Variants in LPIN1 observed in about 807,000 individuals in gnomAD.
LPIN1 encodes the protein lipin 1, also known as phosphatidate phosphatase LPIN1.
LPIN1 carries 71 observed loss-of-function variants against 107.5 expected under a neutral mutation model. The ratio of observed to expected loss-of-function variants is 0.66; its 90% CI spans 0.55 to 0.80. The LOEUF is 0.80. Ranked by LOEUF, LPIN1 falls within the 30% of genes least tolerant of loss-of-function variation. LPIN1 has a pLI of 0.00. For synonymous variants in LPIN1, 445 were observed against 452.6 expected (o/e 0.98, Z 0.21); for missense variants, 1,043 against 1,160.6 (o/e 0.90, Z 1.47).
At chr2:11,778,144 G>C (rs76885618) in intron 6 of LPIN1, among the ~76,000 whole-genome samples, 84,716 of 151,688 alleles carry the variant, frequency 0.56, 24,434 homozygotes, top group African/African-American at 0.67. Context: ...ACGTGGGGGG[G>C]CCCACGTGCC....
intron 1 of LPIN1, among the ~76,000 whole-genome samples, chr2:11,713,325 A>G (rs984250173): frequency 6.6e-6 from 1 of 152,190 alleles, no homozygotes; most frequent in African/African-American, 2.4e-5. Context: ...GGCTGGAGTG[A>G]AGTGGCACTA....
intron 1 of LPIN1, among the ~76,000 whole-genome samples, chr2:11,681,683 G>A (rs893245815): frequency 6.6e-6 from 1 of 152,214 alleles, no homozygotes; most frequent in Non-Finnish European, 1.5e-5. Flanking sequence ...CCTGGGACGT[G>A]CTGAGCCAGG....
rs200474475 is a variant in LPIN1, at chr2:11,795,466, C to T, written c.1865C>T (p.Pro622Leu). The part of the protein sequence containing the change: ...GKAHSTGEQP[P>L]QLSLATRVKH... Reference sequence around the variant, plus strand: ...GCCCATAGCACCGGAGAGCAACCGCCGCAGCTCAGCTTGGCCACCAGGTGC... The same window carrying T: ...GCCCATAGCACCGGAGAGCAACCGCTGCAGCTCAGCTTGGCCACCAGGTGC... Residue 622 changes from proline (P) to leucine (L), a missense_variant, in exon 14 of 21, where the codon CCG becomes CTG. Transcript: ENST00000674199. 1.3e-5 allele frequency: 21 copies of T among 1,614,020 alleles called. No individual in the cohort carries two copies. Among genetic ancestry groups the T allele is most frequent in the South Asian group, 3.3e-5 (3 of 91,092 alleles).
At chr2:11,755,520 A>G (rs1031512041) in intron 1 of LPIN1, among the ~76,000 whole-genome samples, 1 of 152,150 alleles carries the variant, frequency 6.6e-6, no homozygotes, top group African/African-American at 2.4e-5. Flanking sequence ...CACTTGACAA[A>G]TGACAGTAAT....
chr2:11,756,161 G>A (rs774989429), intron 1 of LPIN1, among the ~76,000 whole-genome samples: 1 of 152,154 alleles, frequency 6.6e-6, no homozygotes, highest in Non-Finnish European at 1.5e-5. Context: ...ATTAGATGTT[G>A]CTTACCATGA....
At chr2:11,763,830 C>T (rs1335188789) in intron 1 of LPIN1, among the ~76,000 whole-genome samples, 10 of 140,094 alleles carry the variant, frequency 7.1e-5, no homozygotes, top group African/African-American at 2.3e-4. Context: ...TCCACCTTGT[C>T]GTCTGACATC....
In LPIN1 at chr2:11,772,083, C is replaced by T. The variant is rs541361711; in HGVS notation, c.596+404C>T. Among the ~76,000 whole-genome samples the T allele has an allele frequency of 4.6e-5, 7 of 152,298 alleles. No homozygotes were observed. In the South Asian group the frequency reaches 1.4e-3, roughly 32 times the overall value. On this transcript the variant is annotated intron_variant, in intron 4 of 20. Coordinates refer to ENST00000674199, the MANE Select transcript of LPIN1 (RefSeq NM_001349206.2). Reference sequence around the variant, plus strand: ...CTCACAAGGAGTGCGCAGCCCAGATCCCTCACATGTGCAGTTCACAACAGG... The same window carrying T: ...CTCACAAGGAGTGCGCAGCCCAGATTCCTCACATGTGCAGTTCACAACAGG...
chr2:11,792,275 G>A (rs565146864), intron 13 of LPIN1: 10 of 358,592 alleles, frequency 2.8e-5, no homozygotes, highest in South Asian at 1.8e-4. Context: ...GTAAGATTTC[G>A]TCATCTATAA....
At chr2:11,772,677 GA>G (rs1162676187) in intron 4 of LPIN1, among the ~76,000 whole-genome samples, 2 of 152,140 alleles carry the variant, frequency 1.3e-5, no homozygotes, top group Non-Finnish European at 2.9e-5. Context: ...ACAGTGTGGT[GA>G]AATTCTGTTT....
chr2:11,824,487 C>T, intron 20 of LPIN1, 145 bp from the exon 21 acceptor site: 1 of 759,778 alleles, frequency 1.3e-6, no homozygotes, highest in South Asian at 1.5e-5. Context: ...TAATCGATAA[C>T]AAATTATTCT....
chr2:11,789,318 T>C (rs1017412302), intron 12 of LPIN1, among the ~76,000 whole-genome samples: 1 of 152,034 alleles, frequency 6.6e-6, no homozygotes, highest in African/African-American at 2.4e-5. Flanking sequence ...TGTGCTCATG[T>C]GCATGTGTGC....
intron 6 of LPIN1, among the ~76,000 whole-genome samples, chr2:11,778,751 G>T (rs1673069798): frequency 6.6e-6 from 1 of 152,226 alleles, no homozygotes; most frequent in Admixed American, 6.5e-5. Flanking sequence ...ATTTCTCTAA[G>T]TTGTTTAGAA....
intron 1 of LPIN1, among the ~76,000 whole-genome samples, chr2:11,710,143 G>T (rs909532833): frequency 1.3e-5 from 2 of 152,074 alleles, no homozygotes; most frequent in Middle Eastern, 3.4e-3. Context: ...CCCTTATAAG[G>T]GTAGTAATCC....
rs1381204069 is a variant in LPIN1 at position 11,697,506 on chromosome 2, C to T, written c.82-16250C>T. ...TGGAAGTCTGCCCGAATCTGTGCGT[C>T]GTGTCTTGGGAATTCATCCCTTCCT... On this transcript the variant is annotated intron_variant, in intron 1 of 21. Coordinates refer to the LPIN1 transcript ENST00000449576. The surrounding 1 kb of genome is among the most constrained non-coding windows in gnomAD (Gnocchi z 4.6). 2.0e-5 allele frequency among the ~76,000 whole-genome samples: 3 copies of T among 152,234 alleles called. No homozygotes were observed. Among genetic ancestry groups the T allele is most frequent in the Admixed American group, 6.5e-5 (1 of 15,290 alleles).
In LPIN1 at chr2:11,824,686, C is replaced by A. The variant is rs1274562471; in HGVS notation, c.2676C>A (p.Ser892Arg). Residue 892 changes from serine (S) to arginine (R), a missense_variant, in exon 21 of 21, where the codon AGC becomes AGA. Physicochemically the swap from Ser to Arg is moderately radical, Grantham distance 110. Coordinates refer to ENST00000674199, the MANE Select transcript of LPIN1 (RefSeq NM_001349206.2). ...VDHVFPLLKR[S>R]HSSDFPCSDT... The stretch of plus-strand genomic sequence containing the variant: ...ACGTTTTCCCGTTGCTGAAAAGAAG[C>A]CATTCTTCAGACTTTCCCTGTTCGG... 7.4e-6 allele frequency: 12 copies of A among 1,613,984 alleles called. No homozygotes were observed. The highest frequency in any genetic ancestry group is 1.0e-5 in the Non-Finnish European group (12 of 1,180,026).
intron 1 of LPIN1, among the ~76,000 whole-genome samples, chr2:11,763,963 T>TTGTG (rs1309608635): frequency 2.1e-4 from 18 of 87,682 alleles, no homozygotes; most frequent in South Asian, 3.1e-4. Flanking sequence ...ACATATATTT[T>TTGTG]AGTGTGTGTG....
chr2:11,790,286 G>T (rs546973554), intron 12 of LPIN1, among the ~76,000 whole-genome samples: 1 of 152,306 alleles, frequency 6.6e-6, no homozygotes, highest in South Asian at 2.1e-4. Context: ...GGATCTTAGA[G>T]GTTGGCAGTT....
At chr2:11,728,697 A>C (rs1296176807) in intron 1 of LPIN1, among the ~76,000 whole-genome samples, 1 of 151,920 alleles carries the variant, frequency 6.6e-6, no homozygotes, top group Non-Finnish European at 1.5e-5. Context: ...TATTTGTGCT[A>C]TCTGTTCTTT....
At chr2:11,783,986 A>T in intron 9 of LPIN1, 64 bp downstream of exon 9, 1 of 1,611,528 alleles carries the variant, frequency 6.2e-7, no homozygotes, top group South Asian at 1.1e-5. Flanking sequence ...GTGTGAGACC[A>T]GTTTCCCCTT....
Sources: allele counts gnomAD v4.1 joint callset (sites outside exome capture counted in the v4.1 genomes callset), GRCh38; gene constraint gnomAD v4.1.1; non-coding constraint Gnocchi (gnomAD v3.1); transcripts MANE v1.5; gene names NCBI Gene and HGNC (gene_info 2026-07-23, HGNC 2026-07-21).